PAH: variants seen among roughly 807,000 people sequenced by gnomAD.
PAH encodes the protein phenylalanine-4-hydroxylase.
PAH carries 64 observed loss-of-function variants against 62.0 expected under a neutral mutation model. The ratio of observed to expected loss-of-function variants is 1.03; its 90% confidence interval spans 0.84 to 1.27. The LOEUF (loss-of-function observed/expected upper bound fraction) is 1.27. Ranked by LOEUF, PAH falls within the 50% of genes most tolerant of loss-of-function variation. The probability of loss-of-function intolerance (pLI) is 0.00; values close to 1 mark genes in which losing one functional copy is unlikely to be tolerated. For missense variants in PAH, 579 were observed against 542.8 expected (o/e 1.07, Z -0.66); for synonymous variants, 195 against 196.2 (o/e 0.99, Z 0.05).
At chr12:102,860,240 G>A (rs1420188491) in intron 5 of PAH, among the ~76,000 whole-genome samples, 2 of 152,190 alleles carry the variant, frequency 1.3e-5, no homozygotes, top group Admixed American at 6.5e-5. Flanking sequence ...TTGCTTCAAA[G>A]AGAATAAAAT....
intron 5 of PAH, among the ~76,000 whole-genome samples, chr12:102,864,790 G>A (rs1488051030): frequency 1.7e-4 from 17 of 99,396 alleles, no homozygotes; most frequent in African/African-American, 6.0e-4. Flanking sequence ...AGGCAAATTC[G>A]CAAAATAGAA....
rs753938038 is a variant in PAH, at chr12:102,958,280, C to T, written c.-181G>A. On this transcript the variant is annotated 5_prime_UTR_variant, in exon 1 of 5. Transcript: ENST00000551337. ...CTGCCAAGATGGAGAGCGGCGGCGC[C>T]GGCCAGCAGCCCCAGCCGCAGCCCC... 7 of 1,475,306 alleles carry T rather than the reference C, an allele frequency of 4.7e-6. No homozygotes were observed. In the East Asian group the frequency reaches 1.2e-4, roughly 25 times the overall value. The allele number at this position is 1,475,306 out of a possible 1,614,324, so 91.4% of individuals were successfully genotyped here.
intron 5 of PAH, among the ~76,000 whole-genome samples, chr12:102,856,080 A>C (rs1875414297): frequency 6.6e-6 from 1 of 150,998 alleles, no homozygotes; most frequent in Admixed American, 6.6e-5. Flanking sequence ...TTAGAAAACT[A>C]AATAAATAAG....
chr12:102,840,190 T>C (rs914549661), intron 12 of PAH, among the ~76,000 whole-genome samples: 3 of 152,136 alleles, frequency 2.0e-5, no homozygotes, highest in Admixed American at 1.3e-4. Flanking sequence ...GAGTGGAATC[T>C]AGGAAGGTCA....
chr12:102,942,635 C>G (rs766838212), intron 1 of PAH, among the ~76,000 whole-genome samples: 10 of 151,968 alleles, frequency 6.6e-5, no homozygotes, highest in Non-Finnish European at 1.2e-4. Flanking sequence ...AGAACAAAGT[C>G]AGAGGCATCA....
intron 3 of PAH, among the ~76,000 whole-genome samples, chr12:102,886,624 A>G (rs1242637192): frequency 1.3e-5 from 2 of 152,094 alleles, no homozygotes; most frequent in Non-Finnish European, 2.9e-5. Context: ...AGCCTCCTCC[A>G]TGTATTGGTT....
At chr12:102,879,475 A>C (rs868609333) in intron 3 of PAH, among the ~76,000 whole-genome samples, 1 of 151,804 alleles carries the variant, frequency 6.6e-6, no homozygotes, top group East Asian at 1.9e-4. Flanking sequence ...CAAAACAAGG[A>C]GAGCTGATTC....
intron 1 of PAH, among the ~76,000 whole-genome samples, chr12:102,926,221 A>C (rs979810158): frequency 2.6e-5 from 4 of 152,082 alleles, no homozygotes; most frequent in Non-Finnish European, 5.9e-5. Flanking sequence ...TATATGGGGG[A>C]TACTGGTTTA....
At chr12:102,956,937 A>G (rs1412104559) in intron 1 of PAH, among the ~76,000 whole-genome samples, 1 of 152,182 alleles carries the variant, frequency 6.6e-6, no homozygotes, top group Non-Finnish European at 1.5e-5. Flanking sequence ...CAGACGAGGA[A>G]GCGAAGGCTC....
exon 1 of PAH, chr12:102,958,281 G>C: frequency 6.8e-7 from 1 of 1,476,158 alleles, no homozygotes; most frequent in Non-Finnish European, 8.9e-7. Flanking sequence ...CGGCGGCGCC[G>C]GCCAGCAGCC....
At chr12:102,934,111 A>C (rs1459734900) in intron 1 of PAH, among the ~76,000 whole-genome samples, 1 of 151,978 alleles carries the variant, frequency 6.6e-6, no homozygotes, top group Non-Finnish European at 1.5e-5. Context: ...ATATGATGAG[A>C]CATAGGAATG....
chr12:102,919,442 A>T (rs1592992426), upstream of PAH, among the ~76,000 whole-genome samples: 1 of 152,222 alleles, frequency 6.6e-6, no homozygotes, highest in South Asian at 2.1e-4. Flanking sequence ...TTTGTGTTGC[A>T]AACAAGCCAA....
At chr12:102,908,611 T>A (rs1878074630) in intron 2 of PAH, among the ~76,000 whole-genome samples, 1 of 151,926 alleles carries the variant, frequency 6.6e-6, no homozygotes, top group Non-Finnish European at 1.5e-5. Flanking sequence ...AAAATAGAAA[T>A]GATAGCACAG....
At chr12:102,869,498 TA>T (rs1381522683) in intron 4 of PAH, among the ~76,000 whole-genome samples, 1 of 152,052 alleles carries the variant, frequency 6.6e-6, no homozygotes, top group Non-Finnish European at 1.5e-5. Context: ...TCTTTTAGAA[TA>T]AAAAAAAGAA....
intron 1 of PAH, among the ~76,000 whole-genome samples, chr12:102,934,580 G>C (rs1879030962): frequency 6.6e-6 from 1 of 151,778 alleles, no homozygotes; most frequent in Admixed American, 6.6e-5. Context: ...TATGGTTTTT[G>C]CATCCTCTTC....
chr12:102,950,692 T>G lies in PAH; in HGVS notation c.-199A>C, dbSNP rs531660577. The G allele has an allele frequency of 2.0e-5, 3 of 152,306 alleles. No individual in the cohort carries two copies. The East Asian group carries it at 5.8e-4, about 29-fold the overall frequency. The allele number at this position is 152,306 out of a possible 1,614,324, so 9.4% of individuals were successfully genotyped here. On this transcript the variant is annotated 5_prime_UTR_variant, in exon 1 of 4. Transcript: ENST00000546844. The stretch of plus-strand genomic sequence containing the variant: ...GCATTCCTCGCCCCAGCCGGTAGTC[T>G]CCTAGCCCTGTTGAACGCAAGAGCA...
chr12:102,858,494 A>G (rs1687009492), intron 5 of PAH, among the ~76,000 whole-genome samples: 1 of 152,122 alleles, frequency 6.6e-6, no homozygotes, highest in Non-Finnish European at 1.5e-5. Context: ...CATCTACAGA[A>G]CTCTCCACTC....
intron 1 of PAH, chr12:102,945,128 C>T (rs1180983952): frequency 4.6e-5 from 7 of 152,394 alleles, no homozygotes; most frequent in Non-Finnish European, 8.8e-5. Context: ...AATAGAGTCT[C>T]TCACTCTGTG....
chr12:102,937,504 C>T (rs933278486), intron 1 of PAH, among the ~76,000 whole-genome samples: 30 of 152,208 alleles, frequency 2.0e-4, no homozygotes, highest in Admixed American at 4.6e-4. Context: ...GACAACTTAA[C>T]GCTGATTGCA....
Sources: gnomAD v4.1 joint callset for allele counts (sites outside exome capture counted in the v4.1 genomes callset) on GRCh38, gnomAD v4.1.1 for gene constraint, MANE v1.5 for transcripts, NCBI Gene and HGNC (gene_info 2026-07-23, HGNC 2026-07-21) for gene names.